ERP44: variants seen among roughly 807,000 people sequenced by gnomAD.
ERP44 encodes endoplasmic reticulum protein 44.
In ERP44, 25 loss-of-function variants were observed where a neutral mutation model predicts 53.4. The ratio of observed to expected loss-of-function variants is 0.47; its 90% CI spans 0.34 to 0.65. The LOEUF is 0.65. Among genes scored for constraint, ERP44 ranks in the 30% least tolerant of loss-of-function variants. The pLI is 0.01. For synonymous variants in ERP44, 145 were observed against 161.2 expected (o/e 0.90, Z 0.76); for missense variants, 338 against 493.2 (o/e 0.69, Z 2.98).
intron 10 of ERP44, chr9:99,998,526 T>C: frequency 1.4e-6 from 1 of 719,482 alleles, no homozygotes. Flanking sequence ...CTCCCCCATC[T>C]CTGCTAATCT....
Position 100,098,895 on chromosome 9 carries a change from G to T in ERP44, c.-55C>A. The T allele has an allele frequency of 1.3e-6, 2 of 1,500,460 alleles. No homozygotes were observed. Among genetic ancestry groups the T allele is most frequent in the Middle Eastern group, 3.4e-4 (2 of 5,814 alleles). The allele number at this position is 1,500,460 out of a possible 1,614,324, so 92.9% of individuals were successfully genotyped here. On this transcript the variant is annotated 5_prime_UTR_variant, in exon 1 of 12. Coordinates refer to ENST00000262455, the MANE Select transcript of ERP44 (RefSeq NM_015051.3). ...GCGCTGGCGGCTGGGACTGGGCTAG[G>T]TTGGGTTGGGTTAGGAAAGGGCTGG... is the stretch of plus-strand genomic sequence containing the variant.
In ERP44 at chr9:99,998,877, T is replaced by C. The variant is rs377654220; in HGVS notation, c.1016+7629A>G. ...GTAGTTCTTCTAGCAATGAGCTCTC[T>C]TGTCTTCGCCTCCATCTCCCCCAGC... On this transcript the variant is annotated intron_variant, in intron 10 of 11. Transcript: ENST00000262455. The C allele has an allele frequency of 6.7e-5, 105 of 1,568,786 alleles. 4 individuals carry two copies. The South Asian group carries it at 1.1e-3, about 16-fold the overall frequency.
Position 100,007,597 on chromosome 9 carries a change from C to A in ERP44, c.855G>T (p.Arg285=). The part of the protein sequence containing the change: ...SLEIFQNEVA[R]QLISEKGTIN... ...GTCTACCTTTTTCACTTATTAATTG[C>A]CGAGCTACTTCATTCTGGAATATTT... The change falls in exon 9 of 12, where the codon CGG becomes CGT. Residue 285 remains arginine (R), a synonymous_variant. Coordinates refer to ENST00000262455, the MANE Select transcript of ERP44 (RefSeq NM_015051.3). 5 of 1,546,788 alleles carry A rather than the reference C, an allele frequency of 3.2e-6. No homozygotes were observed. Among genetic ancestry groups the A allele is most frequent in the Non-Finnish European group, 4.5e-6 (5 of 1,118,736 alleles).
intron 1 of ERP44, among the ~76,000 whole-genome samples, chr9:100,069,704 G>C (rs1826278113): frequency 6.6e-6 from 1 of 152,068 alleles, no homozygotes; most frequent in Non-Finnish European, 1.5e-5. Context: ...AAATGCTTGA[G>C]AAAACAAATT....
intron 10 of ERP44, among the ~76,000 whole-genome samples, chr9:99,999,237 G>GT (rs1415834788): frequency 7.9e-6 from 1 of 126,200 alleles, no homozygotes; most frequent in Non-Finnish European, 1.6e-5. Flanking sequence ...TCATATGTTT[G>GT]TTGGCCATTT....
At chr9:100,004,728 C>T (rs1830410613) in intron 10 of ERP44, among the ~76,000 whole-genome samples, 1 of 152,206 alleles carries the variant, frequency 6.6e-6, no homozygotes. Flanking sequence ...CTTTACTACT[C>T]TCAGGTACTA....
At chr9:100,064,868 T>A (rs1826192326) in intron 1 of ERP44, among the ~76,000 whole-genome samples, 1 of 152,168 alleles carries the variant, frequency 6.6e-6, no homozygotes, top group South Asian at 2.1e-4. Context: ...AGAATGAGGT[T>A]ATAAAGAAAG....
chr9:100,017,318 G>A (rs1220636329), intron 7 of ERP44, among the ~76,000 whole-genome samples: 1 of 152,134 alleles, frequency 6.6e-6, no homozygotes, highest in Non-Finnish European at 1.5e-5. Context: ...ACTGAAGCGC[G>A]GGGAAGCGAA....
chr9:100,063,075 C>CAAAAAAAAGAAAAAAA (rs1826170606), intron 1 of ERP44, among the ~76,000 whole-genome samples: 1 of 40,084 alleles, frequency 2.5e-5, no homozygotes, highest in African/African-American at 1.1e-4. Context: ...CCCTGTCTCA[C>CAAAAAAAAGAAAAAAA]AAAAAAAAAA....
chr9:100,008,724 A>AT lies in ERP44; in HGVS notation c.763-1036dup, dbSNP rs543880511. Among the ~76,000 whole-genome samples, 190 of 152,236 alleles carry AT rather than the reference A, an allele frequency of 1.2e-3. 2 individuals are homozygous for AT. Among genetic ancestry groups the AT allele is most frequent in the Middle Eastern group, 3.4e-3 (1 of 294 alleles). Reference sequence around the variant, plus strand: ...AATTATTAAGCCTCTTGTTACATTTATTTTTTTAAAAAACTGAGATACAAT... The same window carrying AT: ...AATTATTAAGCCTCTTGTTACATTTATTTTTTTTAAAAAACTGAGATACAAT... On this transcript the variant is annotated intron_variant, in intron 8 of 11. Coordinates refer to ENST00000262455, the MANE Select transcript of ERP44 (RefSeq NM_015051.3).
intron 1 of ERP44, among the ~76,000 whole-genome samples, chr9:100,076,265 A>G (rs1826354636): frequency 1.3e-5 from 2 of 152,178 alleles, no homozygotes; most frequent in African/African-American, 4.8e-5. Flanking sequence ...TACATACACG[A>G]TCGGGCTCAA....
intron 10 of ERP44, among the ~76,000 whole-genome samples, chr9:100,003,546 G>T (rs1830399648): frequency 1.3e-5 from 2 of 152,236 alleles, no homozygotes; most frequent in South Asian, 4.1e-4. Context: ...CACACTGGCT[G>T]GCCTGGTGCC....
chr9:100,066,006 A>C lies in ERP44; in HGVS notation c.58-5834T>G, dbSNP rs1293247399. Among the ~76,000 whole-genome samples, 3 of 152,214 alleles carry C rather than the reference A, an allele frequency of 2.0e-5. No individual in the cohort carries two copies. In the East Asian group the frequency reaches 5.8e-4, roughly 29 times the overall value. The stretch of plus-strand genomic sequence containing the variant: ...TGGTCTCTGAAACTGCCACGCTGGT[A>C]TCACCTAGGAGCTTGTGAGAAATAG... On this transcript the variant is annotated intron_variant, in intron 1 of 11. Coordinates refer to ENST00000262455, the MANE Select transcript of ERP44 (RefSeq NM_015051.3).
At chr9:100,023,399 A>AT (rs773667231) in intron 4 of ERP44, among the ~76,000 whole-genome samples, 2 of 148,232 alleles carry the variant, frequency 1.3e-5, no homozygotes, top group Non-Finnish European at 3.0e-5. Context: ...CTGAGAAATC[A>AT]TAAAAAAAAA....
At chr9:100,056,069 A>G (rs1386459725) in intron 3 of ERP44, among the ~76,000 whole-genome samples, 1 of 152,246 alleles carries the variant, frequency 6.6e-6, no homozygotes, top group African/African-American at 2.4e-5. Flanking sequence ...TTTTTTCAAA[A>G]GATCAGCAGC....
At chr9:100,056,313 A>G (rs1826088298) in intron 3 of ERP44, among the ~76,000 whole-genome samples, 1 of 152,204 alleles carries the variant, frequency 6.6e-6, no homozygotes, top group Non-Finnish European at 1.5e-5. Context: ...CCTTTGAGAC[A>G]TATTTTATAA....
intron 1 of ERP44, among the ~76,000 whole-genome samples, chr9:100,088,344 T>A (rs1427351280): frequency 6.6e-6 from 1 of 152,222 alleles, no homozygotes; most frequent in Admixed American, 6.5e-5. Flanking sequence ...ATTTCTTGAA[T>A]ATGCCTGGGA....
chr9:99,993,823 C>G (rs900709505), intron 10 of ERP44, among the ~76,000 whole-genome samples: 9 of 151,514 alleles, frequency 5.9e-5, no homozygotes, highest in African/African-American at 2.2e-4. Context: ...CAAGAAAAAA[C>G]CCCATCAAAA....
chr9:99,993,700 GA>G, intron 10 of ERP44, among the ~76,000 whole-genome samples: 1 of 152,128 alleles, frequency 6.6e-6, no homozygotes, highest in Non-Finnish European at 1.5e-5. Flanking sequence ...CACAGCAAAA[GA>G]AACTACCATC....
Sources: gnomAD v4.1 joint callset for allele counts (sites outside exome capture counted in the v4.1 genomes callset) on GRCh38, gnomAD v4.1.1 for gene constraint, MANE v1.5 for transcripts, NCBI Gene and HGNC (gene_info 2026-07-23, HGNC 2026-07-21) for gene names.